KCNG3: variants seen among roughly 807,000 people sequenced by gnomAD.
KCNG3 encodes the protein potassium voltage-gated channel modifier subfamily G member 3.
In KCNG3, 15 loss-of-function variants were observed where a neutral mutation model predicts 29.0. The ratio of observed to expected loss-of-function variants is 0.52; its 90% CI spans 0.35 to 0.80. The LOEUF is 0.80. KCNG3 is among the 30% of genes least tolerant of loss of function. The pLI is 0.01. For missense variants in KCNG3, 512 were observed against 605.7 expected (o/e 0.85, Z 1.62); for synonymous variants, 322 against 248.9 (o/e 1.29, Z -2.76).
chr2:42,455,574 A>C (rs1450893911), intron 1 of KCNG3, among the ~76,000 whole-genome samples: 1 of 152,138 alleles, frequency 6.6e-6, no homozygotes, highest in Non-Finnish European at 1.5e-5. Flanking sequence ...ATACAGAGAG[A>C]TCTCACAATA....
the KCNG3 span, among the ~76,000 whole-genome samples, chr2:42,419,090 T>C: frequency 6.6e-6 from 1 of 152,100 alleles, no homozygotes; most frequent in Non-Finnish European, 1.5e-5. Context: ...TAACTGCTCT[T>C]GGTTTTTAAC....
chr2:42,474,761 G>C (rs1005725852), intron 1 of KCNG3, among the ~76,000 whole-genome samples: 1 of 151,856 alleles, frequency 6.6e-6, no homozygotes, highest in Non-Finnish European at 1.5e-5. Flanking sequence ...GCACTACATT[G>C]TAATTTTCAC....
intron 1 of KCNG3, among the ~76,000 whole-genome samples, chr2:42,469,185 G>A (rs1030055451): frequency 2.6e-5 from 4 of 152,010 alleles, no homozygotes; most frequent in Admixed American, 1.3e-4. Flanking sequence ...TTGGGAGGCC[G>A]AGGCAGCTGG....
intron 1 of KCNG3, among the ~76,000 whole-genome samples, chr2:42,489,489 G>A (rs558975403): frequency 1.3e-5 from 2 of 152,306 alleles, no homozygotes; most frequent in East Asian, 3.9e-4. Context: ...CAACTTAGGA[G>A]CCAGGATATG....
At chr2:42,407,177 C>CTTTTT in the KCNG3 span, among the ~76,000 whole-genome samples, 3 of 133,152 alleles carry the variant, frequency 2.3e-5, no homozygotes, top group Non-Finnish European at 3.2e-5. Context: ...TCTGCTTGAT[C>CTTTTT]TTTTTTTTTT....
chr2:42,493,161 C>CGT lies in KCNG3; in HGVS notation c.340_341insAC (p.Arg114HisfsTer69), dbSNP rs1673956024. 1 of 1,606,706 alleles carries CGT rather than the reference C, an allele frequency of 6.2e-7. No homozygotes were observed. The highest frequency in any genetic ancestry group is 1.3e-5 in the African/African-American group (1 of 74,708). On this transcript the variant is annotated frameshift_variant, in exon 1 of 2. Coordinates refer to ENST00000306078, the MANE Select transcript of KCNG3 (RefSeq NM_133329.6). LOFTEE classifies it high-confidence loss of function. ...GTCGGACATGCGGTCGTCGAGGCGG[C>CGT]GCTGGCAGCAGTACTCGAGGTGCGC... is the stretch of plus-strand genomic sequence containing the variant.
downstream of KCNG3, among the ~76,000 whole-genome samples, chr2:42,439,249 TTG>T (rs1347247480): frequency 2.2e-5 from 1 of 46,374 alleles, no homozygotes; most frequent in Non-Finnish European, 5.3e-5. Flanking sequence ...TTATATATTA[TTG>T]TATATATATA....
chr2:42,490,967 T>C (rs1199167366), intron 1 of KCNG3, among the ~76,000 whole-genome samples: 1 of 152,206 alleles, frequency 6.6e-6, no homozygotes, highest in East Asian at 1.9e-4. Context: ...CTGTTTGGGA[T>C]TGCAGATATT....
intron 1 of KCNG3, among the ~76,000 whole-genome samples, chr2:42,460,101 C>G (rs1672979496): frequency 6.6e-6 from 1 of 152,112 alleles, no homozygotes; most frequent in African/African-American, 2.4e-5. Context: ...AGGTGGCTTA[C>G]ATCTGTAATC....
At chr2:42,401,978 G>A in the KCNG3 span, among the ~76,000 whole-genome samples, 20 of 152,330 alleles carry the variant, frequency 1.3e-4, no homozygotes, top group Admixed American at 3.9e-4. Context: ...GCTACGGGAT[G>A]CCCAGATAGC....
At position 42,444,069 on chromosome 2, in the gene KCNG3, A is replaced by C. The variant is rs901583708; in HGVS notation, c.1176T>G (p.Val392=). The change falls in exon 2 of 2, where the codon GTT becomes GTG. Residue 392 remains valine (V), a synonymous_variant. Transcript: ENST00000306078. The surrounding 1 kb of genome is among the most constrained non-coding windows in gnomAD (Gnocchi z 5.8). ...ATAGAACAATTCCACTGACAACACAAACTCCTCCAAGAATTCTTCCAGGCA... is the reference window on the plus strand; with the variant it reads ...ATAGAACAATTCCACTGACAACACACACTCCTCCAAGAATTCTTCCAGGCA... ...ITVPGRILGG[V]CVVSGIVLLA... The C allele has an allele frequency of 8.1e-6, 13 of 1,614,100 alleles. No homozygotes were observed. Among genetic ancestry groups the C allele is most frequent in the Non-Finnish European group, 1.1e-5 (13 of 1,180,038 alleles).
chr2:42,480,620 G>C (rs1256728946), intron 1 of KCNG3, among the ~76,000 whole-genome samples: 2 of 151,868 alleles, frequency 1.3e-5, no homozygotes, highest in Non-Finnish European at 2.9e-5. Flanking sequence ...GTGTTCACGA[G>C]TCACAAAATA....
the KCNG3 span, among the ~76,000 whole-genome samples, chr2:42,408,947 C>T: frequency 3.3e-5 from 5 of 152,238 alleles, no homozygotes; most frequent in African/African-American, 7.2e-5. Flanking sequence ...GCTTGTTCCC[C>T]GATGCAAGCC....
At chr2:42,422,524 C>T in the KCNG3 span, among the ~76,000 whole-genome samples, 25,424 of 151,984 alleles carry the variant, frequency 0.17, 2,383 homozygotes, top group African/African-American at 0.26. Context: ...CTAATCAGTA[C>T]ATCCCAACTT....
the KCNG3 span, among the ~76,000 whole-genome samples, chr2:42,429,759 T>A: frequency 6.6e-6 from 1 of 152,158 alleles, no homozygotes; most frequent in Non-Finnish European, 1.5e-5. Context: ...ACTCAGCTAA[T>A]GCTACTCTGG....
intron 1 of KCNG3, chr2:42,463,997 T>C (rs1673082423): frequency 7.2e-6 from 2 of 277,356 alleles, no homozygotes; most frequent in African/African-American, 2.3e-5. Flanking sequence ...GGCTTAACCA[T>C]CTTCTGCTTA....
chr2:42,484,030 G>A (rs950343085), intron 1 of KCNG3, among the ~76,000 whole-genome samples: 6 of 152,094 alleles, frequency 3.9e-5, no homozygotes, highest in African/African-American at 9.7e-5. Context: ...CGATCCTCTC[G>A]CCTCAGGCCT....
the KCNG3 span, among the ~76,000 whole-genome samples, chr2:42,403,304 G>C: frequency 6.6e-6 from 1 of 151,702 alleles, no homozygotes; most frequent in African/African-American, 2.4e-5. Context: ...ACTACACCTG[G>C]CTAATTTTTG....
the KCNG3 span, among the ~76,000 whole-genome samples, chr2:42,390,446 G>T: frequency 6.6e-6 from 1 of 152,186 alleles, no homozygotes; most frequent in African/African-American, 2.4e-5. Context: ...ACTCTCTAAT[G>T]CAGAACAAGG....
Sources: allele counts gnomAD v4.1 joint callset (sites outside exome capture counted in the v4.1 genomes callset), GRCh38; gene constraint gnomAD v4.1.1; non-coding constraint Gnocchi (gnomAD v3.1); transcripts MANE v1.5; gene names NCBI Gene and HGNC (gene_info 2026-07-23, HGNC 2026-07-21).